CSMD1: variants seen among roughly 807,000 people sequenced by gnomAD.
CSMD1 encodes CUB and sushi domain-containing protein 1.
In CSMD1, 213 loss-of-function variants were observed where a neutral mutation model predicts 417.5. The observed-to-expected ratio is 0.51, with a 90% CI of 0.46 to 0.57. CSMD1 has a LOEUF of 0.57. Among genes scored for constraint, CSMD1 ranks in the 20% least tolerant of loss-of-function variants. The pLI, the probability that CSMD1 is intolerant of heterozygous loss-of-function variation, is 0.00. For synonymous variants in CSMD1, 2,862 were observed against 1,736.8 expected, an observed-to-expected ratio of 1.65 and a Z score of -16.11; for missense variants, 6,923 against 4,529.7, an observed-to-expected ratio of 1.53 and a Z score of -15.17.
chr8:4,750,951 C>T (rs1414730793), intron 1 of CSMD1, among the ~76,000 whole-genome samples: 3 of 152,128 alleles, frequency 2.0e-5, no homozygotes, highest in Admixed American at 6.5e-5. Flanking sequence ...TGCTTACAGC[C>T]ATGTCTGTAT....
chr8:4,330,571 C>G (rs1799811009), intron 3 of CSMD1, among the ~76,000 whole-genome samples: 2 of 146,108 alleles, frequency 1.4e-5, no homozygotes, highest in Admixed American at 7.2e-5. Context: ...GCCTGGGCAA[C>G]AGAGTGAAAC....
intron 1 of CSMD1, among the ~76,000 whole-genome samples, chr8:4,834,587 G>C (rs1163641943): frequency 6.6e-6 from 1 of 151,892 alleles, no homozygotes; most frequent in East Asian, 1.9e-4. Flanking sequence ...AGTTCAAAAA[G>C]AATGAGAACA....
rs199657555 is a variant in CSMD1 at position 3,471,649 on chromosome 8, C to CTCCT, written c.1449-2829_1449-2826dup. ...CCCTCTCTCCCTCCCTTCTTCCTCT[C>CTCCT]TCCTTCCTTCCTTTCCCTCCCTCCC... On this transcript the variant is annotated intron_variant, in intron 11 of 69. Transcript: ENST00000635120. Among the ~76,000 whole-genome samples the CTCCT allele has an allele frequency of 1.2e-3, 164 of 140,494 alleles. 1 individual carries two copies. Among genetic ancestry groups the CTCCT allele is most frequent in the African/African-American group, 4.1e-3 (156 of 38,212 alleles). The allele number at this position is 140,494 out of a possible 152,430, so 92.2% of individuals were successfully genotyped here. A position where few individuals can be genotyped will look rare whatever the true frequency, so the allele number is the denominator to read the frequency against.
intron 3 of CSMD1, among the ~76,000 whole-genome samples, chr8:4,417,641 G>T (rs1025348803): frequency 6.6e-6 from 1 of 151,780 alleles, no homozygotes; most frequent in Non-Finnish European, 1.5e-5. Context: ...CAATTACTTG[G>T]TGGGTCAAAT....
intron 5 of CSMD1, among the ~76,000 whole-genome samples, chr8:3,988,825 T>C (rs1048431773): frequency 6.6e-6 from 1 of 152,174 alleles, no homozygotes; most frequent in Non-Finnish European, 1.5e-5. Flanking sequence ...AGGGTCATCA[T>C]TTAGGTCCTA....
intron 3 of CSMD1, among the ~76,000 whole-genome samples, chr8:4,072,528 A>C (rs915352654): frequency 1.3e-5 from 2 of 152,208 alleles, no homozygotes; most frequent in Non-Finnish European, 2.9e-5. Flanking sequence ...TCTAAACAGG[A>C]ATCACATAGT....
At chr8:4,427,524 AACAC>A (rs1294666689) in intron 2 of CSMD1, among the ~76,000 whole-genome samples, 1 of 151,684 alleles carries the variant, frequency 6.6e-6, no homozygotes, top group African/African-American at 2.4e-5. Flanking sequence ...TGCACACTCA[AACAC>A]ACACAGTGAA....
At chr8:3,452,638 G>C (rs571901645) in intron 12 of CSMD1, among the ~76,000 whole-genome samples, 2 of 152,176 alleles carry the variant, frequency 1.3e-5, no homozygotes, top group African/African-American at 4.8e-5. Context: ...TGGGTATGTT[G>C]AATCAGCCTT....
intron 16 of CSMD1, among the ~76,000 whole-genome samples, chr8:3,398,158 A>AC (rs1337192397): frequency 6.6e-6 from 1 of 152,194 alleles, no homozygotes; most frequent in Non-Finnish European, 1.5e-5. Context: ...TAGGATCACT[A>AC]CTTTTACTAA....
At chr8:3,504,313 T>C (rs1257418626) in intron 10 of CSMD1, among the ~76,000 whole-genome samples, 1 of 152,210 alleles carries the variant, frequency 6.6e-6, no homozygotes, top group Admixed American at 6.5e-5. Flanking sequence ...GTCTGGGCTT[T>C]GCTGCTTACT....
chr8:4,359,477 G>C (rs1003751441), intron 3 of CSMD1, among the ~76,000 whole-genome samples: 1 of 152,102 alleles, frequency 6.6e-6, no homozygotes, highest in Non-Finnish European at 1.5e-5. Context: ...AAACAAGATT[G>C]AATCCTTCCT....
chr8:4,340,400 G>C (rs1800407559), intron 3 of CSMD1, among the ~76,000 whole-genome samples: 1 of 152,054 alleles, frequency 6.6e-6, no homozygotes, highest in Non-Finnish European at 1.5e-5. Flanking sequence ...ACATGAGTTT[G>C]CTTTACCATT....
chr8:3,463,978 A>G (rs1816662543), intron 12 of CSMD1, among the ~76,000 whole-genome samples: 1 of 152,190 alleles, frequency 6.6e-6, no homozygotes, highest in Non-Finnish European at 1.5e-5. Flanking sequence ...CGGACGAAGG[A>G]GACAATTCCG....
At chr8:4,984,382 T>A (rs1009083263) in intron 1 of CSMD1, among the ~76,000 whole-genome samples, 3 of 152,180 alleles carry the variant, frequency 2.0e-5, no homozygotes, top group Non-Finnish European at 4.4e-5. Flanking sequence ...CCCATGACAG[T>A]AGTGTACGCT....
At chr8:3,311,698 T>A (rs1805362632) in intron 23 of CSMD1, among the ~76,000 whole-genome samples, 1 of 152,202 alleles carries the variant, frequency 6.6e-6, no homozygotes, top group Non-Finnish European at 1.5e-5. Context: ...ATTATAAAGT[T>A]GAAAAATTGT....
chr8:4,230,183 C>A (rs1252893310), intron 3 of CSMD1, among the ~76,000 whole-genome samples: 2 of 152,144 alleles, frequency 1.3e-5, no homozygotes, highest in African/African-American at 4.8e-5. Context: ...TATTCTGAGC[C>A]AAATTATCTT....
At chr8:4,782,852 T>C (rs1015625064) in intron 1 of CSMD1, among the ~76,000 whole-genome samples, 2 of 152,146 alleles carry the variant, frequency 1.3e-5, no homozygotes, top group African/African-American at 4.8e-5. Context: ...CAAGCTATTT[T>C]TTTCAATAAA....
chr8:4,067,366 G>C (rs193067418), intron 3 of CSMD1, among the ~76,000 whole-genome samples: 1 of 152,158 alleles, frequency 6.6e-6, no homozygotes, highest in Non-Finnish European at 1.5e-5. Flanking sequence ...AAAGTGATTC[G>C]GGAGTTAAAC....
intron 19 of CSMD1, among the ~76,000 whole-genome samples, chr8:3,368,531 G>T (rs182338420): frequency 6.6e-6 from 1 of 152,080 alleles, no homozygotes; most frequent in African/African-American, 2.4e-5. Flanking sequence ...TAGAGACAAG[G>T]TTCCACCATA....
Sources: gnomAD v4.1 joint callset for allele counts (sites outside exome capture counted in the v4.1 genomes callset) on GRCh38, gnomAD v4.1.1 for gene constraint, MANE v1.5 for transcripts, NCBI Gene and HGNC (gene_info 2026-07-23, HGNC 2026-07-21) for gene names.